Variants in GBE1 observed in about 807,000 individuals in gnomAD.
GBE1 encodes 1,4-alpha-glucan-branching enzyme.
Under a neutral mutation model 88.8 loss-of-function variants are expected in GBE1, and 70 were observed. The ratio of observed to expected loss-of-function variants is 0.79; its 90% CI spans 0.65 to 0.96. The LOEUF is 0.96. Ranked by LOEUF, GBE1 falls within the 40% of genes least tolerant of loss-of-function variation. The pLI is 0.00. For synonymous variants in GBE1, 284 were observed against 300.1 expected (o/e 0.95, Z 0.56); for missense variants, 872 against 871.0 (o/e 1.00, Z -0.01).
chr3:81,670,047 CA>C (rs1705168052), intron 3 of GBE1, among the ~76,000 whole-genome samples: 1 of 152,086 alleles, frequency 6.6e-6, no homozygotes, highest in Non-Finnish European at 1.5e-5. Flanking sequence ...AAGGAAGACA[CA>C]AGGGACATGG....
At chr3:81,706,998 CA>C (rs760072549) in intron 1 of GBE1, among the ~76,000 whole-genome samples, 26 of 146,714 alleles carry the variant, frequency 1.8e-4, no homozygotes, top group African/African-American at 2.5e-4. Flanking sequence ...CCAACATAGA[CA>C]AAAAAAAATG....
intron 1 of GBE1, among the ~76,000 whole-genome samples, chr3:81,719,716 T>C (rs1705993309): frequency 6.6e-6 from 1 of 152,204 alleles, no homozygotes; most frequent in South Asian, 2.1e-4. Context: ...TTTGAAACTA[T>C]ATATCAGAGA....
intron 2 of GBE1, among the ~76,000 whole-genome samples, chr3:81,686,552 T>A (rs1705443595): frequency 6.6e-6 from 1 of 151,558 alleles, no homozygotes; most frequent in African/African-American, 2.4e-5. Flanking sequence ...AGGTCAGGAG[T>A]TTAAGACCAG....
intron 10 of GBE1, among the ~76,000 whole-genome samples, chr3:81,583,589 G>A (rs1703761393): frequency 6.6e-6 from 1 of 152,014 alleles, no homozygotes. Flanking sequence ...AACAACATTG[G>A]AGGTTTTCTT....
At chr3:81,500,655 A>G (rs1344284270) in intron 14 of GBE1, among the ~76,000 whole-genome samples, 1 of 152,234 alleles carries the variant, frequency 6.6e-6, no homozygotes, top group Non-Finnish European at 1.5e-5. Flanking sequence ...CTAGGTGTTA[A>G]GAATCACTGA....
At position 81,699,553 on chromosome 3, in the gene GBE1, C is replaced by G. The variant is rs377314777; in HGVS notation, c.313+5891G>C. Among the ~76,000 whole-genome samples the G allele has an allele frequency of 3.3e-5, 5 of 152,208 alleles. No homozygotes were observed. In the South Asian group the frequency reaches 8.3e-4, roughly 25 times the overall value. On this transcript the variant is annotated intron_variant, in intron 2 of 15. Transcript: ENST00000429644. ...GGTTCCACAATAGGCCGTCTGCAAG[C>G]TGAGGAGCAAGGAGAGCCACTCCAA...
intron 3 of GBE1, among the ~76,000 whole-genome samples, chr3:81,654,009 T>G (rs1004181854): frequency 6.6e-6 from 1 of 152,256 alleles, no homozygotes; most frequent in South Asian, 2.1e-4. Context: ...CTTAAGTATA[T>G]TAACACATTA....
intron 1 of GBE1, among the ~76,000 whole-genome samples, chr3:81,744,082 A>G (rs1706389437): frequency 6.6e-6 from 1 of 152,004 alleles, no homozygotes; most frequent in Admixed American, 6.6e-5. Context: ...TTCCCCTTGA[A>G]TCTCTTTGTG....
chr3:81,562,053 C>T (rs573036796), intron 12 of GBE1, among the ~76,000 whole-genome samples: 1 of 152,092 alleles, frequency 6.6e-6, no homozygotes, highest in Non-Finnish European at 1.5e-5. Flanking sequence ...ACCGAACACA[C>T]TCGCATCTGT....
rs539077756 is a variant in GBE1, at chr3:81,642,751, A to G, written c.992+30T>C. 1.0e-4 allele frequency: 140 copies of G among 1,380,524 alleles called. No homozygotes were observed. In the Middle Eastern group the frequency reaches 1.3e-3, roughly 12 times the overall value. The allele number at this position is 1,380,524 out of a possible 1,614,324, so 85.5% of individuals were successfully genotyped here. A position where few individuals can be genotyped will look rare whatever the true frequency, so the allele number is the denominator to read the frequency against. On this transcript the variant is annotated intron_variant, in intron 7 of 15. Coordinates refer to ENST00000429644, the MANE Select transcript of GBE1 (RefSeq NM_000158.4). ...AAAATTAATGTTAAACAGCAACAAT[A>G]GAAAACATTTCTATATTGTATGTAC...
intron 12 of GBE1, among the ~76,000 whole-genome samples, chr3:81,549,182 ACCATG>A (rs1256960787): frequency 6.6e-6 from 1 of 150,826 alleles, no homozygotes; most frequent in African/African-American, 2.4e-5. Flanking sequence ...GGTGTCCACC[ACCATG>A]CCGAGCTAAT....
chr3:81,555,913 C>T (rs1443864491), intron 12 of GBE1, among the ~76,000 whole-genome samples: 1 of 152,092 alleles, frequency 6.6e-6, no homozygotes, highest in African/African-American at 2.4e-5. Flanking sequence ...GACACACAAA[C>T]AGGGTTGTTA....
At chr3:81,498,141 C>T (rs192003121) in intron 15 of GBE1, among the ~76,000 whole-genome samples, 9 of 152,170 alleles carry the variant, frequency 5.9e-5, no homozygotes, top group African/African-American at 2.2e-4. Flanking sequence ...CTTTGTAATC[C>T]CTGCTCTTTT....
At chr3:81,596,306 C>T (rs1703956567) in intron 7 of GBE1, among the ~76,000 whole-genome samples, 3 of 151,248 alleles carry the variant, frequency 2.0e-5, no homozygotes, top group African/African-American at 7.3e-5. Flanking sequence ...TTTTATTATA[C>T]TTTAAGTTTT....
chr3:81,680,303 C>T (rs1238464549), intron 2 of GBE1, among the ~76,000 whole-genome samples: 1 of 152,004 alleles, frequency 6.6e-6, no homozygotes, highest in Non-Finnish European at 1.5e-5. Flanking sequence ...ACCATCCTGG[C>T]TAACATGGTG....
rs1559708250 is a variant in GBE1 at position 81,750,525 on chromosome 3, ATATATATATATACGTATATATATATG to A, written c.143+10824_143+10849del. Among the ~76,000 whole-genome samples, 432 of 80,676 alleles carry A rather than the reference ATATATATATATACGTATATATATATG, an allele frequency of 5.4e-3. 42 individuals are homozygous for A. In the East Asian group the frequency reaches 0.16, roughly 30 times the overall value. The allele number at this position is 80,676 out of a possible 152,430, so 52.9% of individuals were successfully genotyped here. A position where few individuals can be genotyped will look rare whatever the true frequency, so the allele number is the denominator to read the frequency against. Reference sequence around the variant, plus strand: ...AAACCAATTTCATCTCAAAACATTCATATATATATATACGTATATATATATGTATATATATATGTATATATATATAC... The same window carrying A: ...AAACCAATTTCATCTCAAAACATTCATATATATATATGTATATATATATAC... On this transcript the variant is annotated intron_variant, in intron 1 of 15. Transcript: ENST00000429644.
At chr3:81,500,570 C>T (rs1315065962) in intron 14 of GBE1, among the ~76,000 whole-genome samples, 1 of 152,130 alleles carries the variant, frequency 6.6e-6, no homozygotes, top group African/African-American at 2.4e-5. Context: ...TAATGAATTA[C>T]TGGTTCACAA....
intron 7 of GBE1, among the ~76,000 whole-genome samples, chr3:81,635,647 T>C (rs2107044641): frequency 6.6e-6 from 1 of 152,318 alleles, no homozygotes; most frequent in African/African-American, 2.4e-5. Flanking sequence ...ATTGATTTTT[T>C]CCCACTTTTA....
intron 14 of GBE1, among the ~76,000 whole-genome samples, chr3:81,518,911 T>C: frequency 6.6e-6 from 1 of 151,262 alleles, no homozygotes; most frequent in Non-Finnish European, 1.5e-5. Flanking sequence ...AACCCTGAAT[T>C]TGCTTTTTTA....
Sources: gnomAD v4.1 joint callset for allele counts (sites outside exome capture counted in the v4.1 genomes callset) on GRCh38, gnomAD v4.1.1 for gene constraint, MANE v1.5 for transcripts, NCBI Gene and HGNC (gene_info 2026-07-23, HGNC 2026-07-21) for gene names.